The following CLDN14 variants were observed in gnomAD, a reference collection of about 807,000 sequenced individuals.
CLDN14 encodes claudin 14, also known as claudin-14.
In CLDN14, 2 loss-of-function variants were observed where a neutral mutation model predicts 2.1. The observed-to-expected ratio is 0.96, with a 90% CI of 0.39 to 3.01. The LOEUF (loss-of-function observed/expected upper bound fraction) is 3.01, where lower values mean the gene tolerates loss of function less well. Among genes scored for constraint, CLDN14 ranks in the 30% most tolerant of loss-of-function variants. CLDN14 has a pLI of 0.09. For missense variants in CLDN14, 298 were observed against 328.0 expected, an observed-to-expected ratio of 0.91 and a Z score of 0.71; for synonymous variants, 136 against 154.4, an observed-to-expected ratio of 0.88 and a Z score of 0.88.
In CLDN14 at chr21:36,467,030, C is replaced by T. The variant is rs557786937; in HGVS notation, c.-81-5254G>A. ...GAGAGAGTATCAGAAAACGACAGAG[C>T]GGTAAAGAATTTTGAAAATCTGTGA... On this transcript the variant is annotated intron_variant, in intron 1 of 1. Transcript: ENST00000399135. Among the ~76,000 whole-genome samples, 25 of 152,202 alleles carry T rather than the reference C, an allele frequency of 1.6e-4. No individual in the cohort carries two copies. In the South Asian group the frequency reaches 3.7e-3, roughly 23 times the overall value.
chr21:36,480,770 T>G (rs1478946632), upstream of CLDN14: 1 of 152,064 alleles, frequency 6.6e-6, no homozygotes, highest in Non-Finnish European at 1.5e-5. Context: ...CCGCAAATGC[T>G]CCAGGGCCAG....
Position 36,471,116 on chromosome 21 carries a change from C to G in CLDN14, c.-82+8379G>C, listed in dbSNP as rs145082996. Among the ~76,000 whole-genome samples the G allele has an allele frequency of 2.4e-3, 358 of 152,320 alleles. 2 individuals are homozygous for G. Among genetic ancestry groups the G allele is most frequent in the African/African-American group, 8.0e-3 (332 of 41,558 alleles). The stretch of plus-strand genomic sequence containing the variant: ...AGGTGCAGTGGCTCACACCTGTAAT[C>G]TCAACATTTGGAAGGCCAAGGTGGG... On this transcript the variant is annotated intron_variant, in intron 1 of 1. Coordinates refer to ENST00000399135, the MANE Select transcript of CLDN14 (RefSeq NM_001146079.2).
intron 1 of CLDN14, among the ~76,000 whole-genome samples, chr21:36,574,574 G>A (rs976177372): frequency 6.6e-6 from 1 of 152,080 alleles, no homozygotes; most frequent in Non-Finnish European, 1.5e-5. Context: ...ACTATCAAGG[G>A]CTCAAGGGAA....
chr21:36,487,056 C>T (rs1321900162), intron 2 of CLDN14: 1 of 246,516 alleles, frequency 4.1e-6, no homozygotes, highest in East Asian at 1.2e-4. Flanking sequence ...GCAATCTCAG[C>T]TCACTGCAAC....
At chr21:36,555,914 C>T (rs1410579979) in intron 1 of CLDN14, among the ~76,000 whole-genome samples, 1 of 151,674 alleles carries the variant, frequency 6.6e-6, no homozygotes, top group Non-Finnish European at 1.5e-5. Flanking sequence ...CACAGTGAAT[C>T]TGATTTTGGC....
At position 36,461,444 on chromosome 21, in the gene CLDN14, C is replaced by A; in HGVS notation, c.252G>T (p.Met84Ile). 6.2e-7 allele frequency: 1 copy of A among 1,613,380 alleles called. No homozygotes were observed. The highest frequency in any genetic ancestry group is 1.3e-5 in the African/African-American group (1 of 75,060). The part of the protein sequence containing the change: ...PQDLQAARAL[M>I]VISCLLSGIA... ...TGCCCGAGAGCAGGCAGGAGATGAC[C>A]ATGAGGGCGCGGGCAGCCTGGAGGT... The change falls in exon 2 of 2, where the codon ATG becomes ATT. Residue 84 changes from methionine to isoleucine, a missense_variant. Coordinates refer to ENST00000399135, the MANE Select transcript of CLDN14 (RefSeq NM_001146079.2).
At chr21:36,490,010 A>G (rs1384701226) in intron 2 of CLDN14, among the ~76,000 whole-genome samples, 1 of 152,130 alleles carries the variant, frequency 6.6e-6, no homozygotes, top group Non-Finnish European at 1.5e-5. Context: ...CTCCACTCCC[A>G]GGCCCAGCTG....
chr21:36,556,212 A>G (rs2087598339), intron 1 of CLDN14, among the ~76,000 whole-genome samples: 1 of 152,150 alleles, frequency 6.6e-6, no homozygotes, highest in Admixed American at 6.5e-5. Context: ...TGGGTCCTCA[A>G]TTGATCAGTG....
At chr21:36,518,371 C>T (rs1217648006) in intron 1 of CLDN14, among the ~76,000 whole-genome samples, 10 of 152,062 alleles carry the variant, frequency 6.6e-5, no homozygotes, top group Admixed American at 2.6e-4. Flanking sequence ...GAGGCTGAGG[C>T]GGGTGGATCA....
chr21:36,461,507 C>G lies in CLDN14; in HGVS notation c.189G>C (p.Gln63His), dbSNP rs981704813. The G allele has an allele frequency of 1.2e-6, 2 of 1,613,430 alleles. No homozygotes were observed. The highest frequency in any genetic ancestry group is 2.2e-5 in the South Asian group (2 of 91,078). Residue 63 changes from glutamine (Q) to histidine (H), a missense_variant, in exon 2 of 2, where the codon CAG becomes CAC. By Grantham distance (24) the Gln-to-His change is conservative. Coordinates refer to ENST00000399135, the MANE Select transcript of CLDN14 (RefSeq NM_001146079.2). ...CCAGCAGGGATCGGTAGATCTGGCA[C>G]TGGTAGATGCCTGTGCTGTGCCACA... ...ECVWHSTGIY[Q>H]CQIYRSLLAL... is the part of the protein sequence containing the mutation.
At position 36,569,961 on chromosome 21, in the gene CLDN14, G is replaced by T. The variant is rs118109666; in HGVS notation, c.-220+6450C>A. The stretch of plus-strand genomic sequence containing the variant: ...TTGTCAAGTTTAAGGACACACCTGT[G>T]ACAGAGCCTCAGGAGGTCCTGATGA... On this transcript the variant is annotated intron_variant, in intron 1 of 2. Coordinates refer to the CLDN14 transcript ENST00000342108. Among the ~76,000 whole-genome samples, 350 of 152,340 alleles carry T rather than the reference G, an allele frequency of 2.3e-3. 9 individuals are homozygous for T. In the East Asian group the frequency reaches 0.058, roughly 25 times the overall value.
intron 2 of CLDN14, among the ~76,000 whole-genome samples, chr21:36,488,882 A>G (rs1446080493): frequency 6.6e-6 from 1 of 151,918 alleles, no homozygotes; most frequent in Non-Finnish European, 1.5e-5. Flanking sequence ...TAATCCCAGC[A>G]CTTTGGGAGG....
chr21:36,547,264 T>G (rs448687), intron 1 of CLDN14, among the ~76,000 whole-genome samples: 126,560 of 152,066 alleles, frequency 0.83, 53,174 homozygotes, highest in Non-Finnish European at 0.9. Flanking sequence ...GGGGAGAACT[T>G]GGTGGCAGGG....
chr21:36,573,501 C>T lies in CLDN14; in HGVS notation c.-220+2910G>A, dbSNP rs974153499. ...TGCAATTGATATGAAATATTTATTTCATTAACTTTTCTCTCTATAAATTAT... is the reference window on the plus strand; with the variant it reads ...TGCAATTGATATGAAATATTTATTTTATTAACTTTTCTCTCTATAAATTAT... On this transcript the variant is annotated intron_variant, in intron 1 of 2. Transcript: ENST00000342108. 2.0e-5 allele frequency among the ~76,000 whole-genome samples: 3 copies of T among 152,088 alleles called. No individual in the cohort carries two copies. In the East Asian group the frequency reaches 5.8e-4, roughly 29 times the overall value.
rs2087513473 is a variant in CLDN14, at chr21:36,544,474, A to G, written c.-220+31937T>C. On this transcript the variant is annotated intron_variant, in intron 1 of 2. Coordinates refer to the CLDN14 transcript ENST00000342108. This position sits in a 1 kb window ranked among gnomAD's most constrained non-coding sequence, Gnocchi z 4.1. ...CAGTCATCCCTGCCTGCAGCTATTG[A>G]CTGTTTGCATAGGAGGGGATGGAGT... Among the ~76,000 whole-genome samples, 1 of 152,122 alleles carries G rather than the reference A, an allele frequency of 6.6e-6. No homozygotes were observed. The highest frequency in any genetic ancestry group is 2.1e-4 in the South Asian group (1 of 4,820).
chr21:36,554,225 C>A lies in CLDN14; in HGVS notation c.-220+22186G>T, dbSNP rs774616428. Among the ~76,000 whole-genome samples the A allele has an allele frequency of 5.8e-4, 89 of 152,302 alleles. 1 individual carries two copies. Among genetic ancestry groups the A allele is most frequent in the South Asian group, 2.1e-4 (1 of 4,820 alleles). ...CCCTTTCATGAGACAGCATCCCAAC[C>A]CCCCCAGGCCCTGGGCTCGGCGGTG... is the stretch of plus-strand genomic sequence containing the variant. On this transcript the variant is annotated intron_variant, in intron 1 of 2. Coordinates refer to the CLDN14 transcript ENST00000342108.
chr21:36,522,994 T>C (rs2087283478), intron 1 of CLDN14, among the ~76,000 whole-genome samples: 2 of 152,174 alleles, frequency 1.3e-5, no homozygotes, highest in Admixed American at 1.3e-4. Context: ...CAGAACTTCA[T>C]GTCACTGCGG....
chr21:36,518,519 A>T lies in CLDN14; in HGVS notation c.-219-8019T>A, dbSNP rs559130811. On this transcript the variant is annotated intron_variant, in intron 1 of 2. Transcript: ENST00000342108. ...GAAGGCTGAGGTGGGGAGTCCCTTG[A>T]ATCTGGGAGGCGGCGGTTGTAGTGA... 6.6e-5 allele frequency among the ~76,000 whole-genome samples: 10 copies of T among 152,222 alleles called. No individual in the cohort carries two copies. The South Asian group carries it at 1.2e-3, about 19-fold the overall frequency.
intron 1 of CLDN14, among the ~76,000 whole-genome samples, chr21:36,553,886 C>T (rs778551245): frequency 1.3e-5 from 2 of 152,146 alleles, no homozygotes; most frequent in Non-Finnish European, 2.9e-5. Context: ...GCCATGTTGA[C>T]TCTGTTTAGC....
Sources: gnomAD v4.1 joint callset for allele counts (sites outside exome capture counted in the v4.1 genomes callset) on GRCh38, gnomAD v4.1.1 for gene constraint, Gnocchi (gnomAD v3.1) non-coding constraint, MANE v1.5 for transcripts, NCBI Gene and HGNC (gene_info 2026-07-23, HGNC 2026-07-21) for gene names.